The following METTL22 variants were observed in gnomAD, a reference collection of about 807,000 sequenced individuals.
The protein encoded by METTL22 is methyltransferase 22, Kin17 lysine.
A neutral mutation model predicts 48.4 loss-of-function variants in METTL22; 51 were observed. The observed-to-expected ratio is 1.05, with a 90% CI of 0.84 to 1.33. The LOEUF is 1.33. METTL22 is among the 40% of genes most tolerant of loss of function. The pLI is 0.00. For missense variants in METTL22, 678 were observed against 526.9 expected (o/e 1.29, Z -2.81); for synonymous variants, 255 against 214.1 (o/e 1.19, Z -1.67).
downstream of METTL22, among the ~76,000 whole-genome samples, chr16:8,652,585 G>A (rs1227461184): frequency 6.6e-6 from 1 of 151,500 alleles, no homozygotes; most frequent in African/African-American, 2.4e-5. Flanking sequence ...TTGGGAGGCC[G>A]AGGTAGGAGG....
downstream of METTL22, among the ~76,000 whole-genome samples, chr16:8,652,857 A>T (rs1010537494): frequency 1.3e-5 from 2 of 152,240 alleles, no homozygotes; most frequent in African/African-American, 2.4e-5. Context: ...TGCAGCAGCC[A>T]TGTGTCCCCT....
the METTL22 span, among the ~76,000 whole-genome samples, chr16:8,657,345 A>G: frequency 1.1e-4 from 17 of 152,306 alleles, no homozygotes; most frequent in African/African-American, 4.1e-4. Flanking sequence ...CTAAGTTAAT[A>G]ATTTGTGCGT....
the METTL22 span, among the ~76,000 whole-genome samples, chr16:8,664,753 G>A: frequency 0.17 from 25,254 of 152,024 alleles, 2,432 homozygotes; most frequent in Admixed American, 0.29. Flanking sequence ...GAGCCACCAC[G>A]TCTAGCCCAC....
At chr16:8,642,763 T>C (rs2056664224) in intron 9 of METTL22, 198 bp downstream of exon 9, 1 of 621,956 alleles carries the variant, frequency 1.6e-6, no homozygotes, top group Non-Finnish European at 2.9e-6. Flanking sequence ...GTGCAGGCGC[T>C]GCTGTCCCAC....
At chr16:8,660,228 G>C in the METTL22 span, among the ~76,000 whole-genome samples, 1 of 152,046 alleles carries the variant, frequency 6.6e-6, no homozygotes, top group Non-Finnish European at 1.5e-5. Flanking sequence ...CCAGGCTGGA[G>C]TGCAGTGGTG....
the METTL22 span, chr16:8,667,185 G>C: frequency 6.6e-6 from 1 of 151,820 alleles, no homozygotes; most frequent in Non-Finnish European, 1.5e-5. Flanking sequence ...TTTCTCAGTG[G>C]GGAAGAGTTC....
chr16:8,658,433 T>C, the METTL22 span, among the ~76,000 whole-genome samples: 3 of 152,114 alleles, frequency 2.0e-5, no homozygotes, highest in Non-Finnish European at 2.9e-5. Context: ...GTGCACCTCA[T>C]GGTAAAGAAA....
At chr16:8,632,424 T>C (rs1596343144) in intron 3 of METTL22, among the ~76,000 whole-genome samples, 1 of 152,254 alleles carries the variant, frequency 6.6e-6, no homozygotes, top group South Asian at 2.1e-4. Flanking sequence ...CAGGCTGGTC[T>C]CAAACTCCTG....
At chr16:8,622,119 A>G (rs1178020891) in intron 1 of METTL22, among the ~76,000 whole-genome samples, 2 of 152,120 alleles carry the variant, frequency 1.3e-5, no homozygotes, top group African/African-American at 4.8e-5. Flanking sequence ...CCCACGGGGG[A>G]CGTCCCCGGA....
rs141908204 is a variant in METTL22, at chr16:8,622,349, C to A, written c.-171+574C>A. ...CACACTGCTTATTTGGGACAACTGA[C>A]TGGGGACCTATAGGAGAAGAAAGCT... On this transcript the variant is annotated intron_variant, in intron 1 of 10. Transcript: ENST00000381920. 8.3e-4 allele frequency among the ~76,000 whole-genome samples: 126 copies of A among 152,352 alleles called. 3 individuals are homozygous for A. The East Asian group carries it at 0.021, about 26-fold the overall frequency.
At chr16:8,626,840 C>T (rs1161413204) in intron 2 of METTL22, among the ~76,000 whole-genome samples, 4 of 140,850 alleles carry the variant, frequency 2.8e-5, no homozygotes, top group African/African-American at 1.1e-4. Context: ...GATCTCGGCT[C>T]ACTGCAAGCT....
At chr16:8,644,283 C>G (rs1001718723) in intron 9 of METTL22, among the ~76,000 whole-genome samples, 7 of 152,170 alleles carry the variant, frequency 4.6e-5, no homozygotes, top group African/African-American at 1.4e-4. Context: ...GCAGGACTGT[C>G]TTGATCTTTC....
chr16:8,659,808 C>A, the METTL22 span, among the ~76,000 whole-genome samples: 2 of 151,882 alleles, frequency 1.3e-5, no homozygotes, highest in Non-Finnish European at 2.9e-5. Context: ...ACTGCAGCCT[C>A]GACCTCCTGG....
intron 2 of METTL22, among the ~76,000 whole-genome samples, chr16:8,627,115 G>A (rs919050706): frequency 6.6e-5 from 10 of 151,982 alleles, no homozygotes; most frequent in African/African-American, 2.2e-4. Context: ...CTCCCACTGA[G>A]TTCACTGCTG....
chr16:8,645,573 C>T (rs574569824), intron 10 of METTL22, among the ~76,000 whole-genome samples: 1 of 151,846 alleles, frequency 6.6e-6, no homozygotes, highest in Admixed American at 6.6e-5. Flanking sequence ...GCTAGGAGTT[C>T]GAGACCAGCC....
chr16:8,655,343 G>C, the METTL22 span, among the ~76,000 whole-genome samples: 1 of 152,124 alleles, frequency 6.6e-6, no homozygotes, highest in Non-Finnish European at 1.5e-5. Flanking sequence ...ACCTGCTATG[G>C]GTCTAAGGGC....
the METTL22 span, among the ~76,000 whole-genome samples, chr16:8,661,422 A>G: frequency 0.8 from 114,716 of 143,402 alleles, 47,229 homozygotes; most frequent in East Asian, 1. Context: ...CAAGGCGGGC[A>G]GATCACGAGG....
At chr16:8,651,656 C>G (rs2056900026), downstream of METTL22, among the ~76,000 whole-genome samples, 1 of 152,112 alleles carries the variant, frequency 6.6e-6, no homozygotes, top group Non-Finnish European at 1.5e-5. Context: ...GAAGCAATAG[C>G]TGGACAAAAA....
chr16:8,629,049 G>A lies in METTL22; in HGVS notation c.453G>A (p.Gln151=). The A allele has an allele frequency of 5.0e-6, 8 of 1,614,008 alleles. No homozygotes were observed. The highest frequency in any genetic ancestry group is 5.9e-6 in the Non-Finnish European group (7 of 1,180,042). The change falls in exon 3 of 11, where the codon CAG becomes CAA. Residue 151 remains glutamine, a synonymous_variant. Coordinates refer to ENST00000381920, the MANE Select transcript of METTL22 (RefSeq NM_024109.4). ...AGGTACATCCCATGATTCTAGCACA[G>A]GAAGAAGACGACGTCCTGGGAGAGG... The part of the protein sequence containing the change: ...RDKVHPMILA[Q]EEDDVLGEEA...
Sources: gnomAD v4.1 joint callset for allele counts (sites outside exome capture counted in the v4.1 genomes callset) on GRCh38, gnomAD v4.1.1 for gene constraint, MANE v1.5 for transcripts, NCBI Gene and HGNC (gene_info 2026-07-23, HGNC 2026-07-21) for gene names.